Variants in PHF14 observed in about 807,000 individuals in gnomAD.
PHF14 encodes the protein PHD finger protein 14.
Under a neutral mutation model 117.9 loss-of-function variants are expected in PHF14, and 55 were observed. The ratio of observed to expected loss-of-function variants is 0.47; its 90% confidence interval spans 0.38 to 0.58. The LOEUF (loss-of-function observed/expected upper bound fraction) is 0.58, where lower values mean the gene tolerates loss of function less well. PHF14 is among the 20% of genes least tolerant of loss of function. PHF14 has a pLI of 0.00. For missense variants in PHF14, 978 were observed against 1,122.2 expected (o/e 0.87, Z 1.84); for synonymous variants, 409 against 368.6 (o/e 1.11, Z -1.26).
At chr7:11,111,552 A>G (rs1787447621) in intron 17 of PHF14, 85 bp downstream of exon 17, 1 of 658,154 alleles carries the variant, frequency 1.5e-6, no homozygotes, top group Non-Finnish European at 2.7e-6. Flanking sequence ...TTCTTTAAAG[A>G]TAATTGGAAT....
At chr7:10,976,694 T>C (rs1179827041) in intron 2 of PHF14, among the ~76,000 whole-genome samples, 1 of 152,000 alleles carries the variant, frequency 6.6e-6, no homozygotes, top group Non-Finnish European at 1.5e-5. Flanking sequence ...TAGAGATTTC[T>C]GACCTTGTTA....
chr7:10,990,915 G>T, intron 4 of PHF14, 68 bp downstream of exon 4: 1 of 1,108,104 alleles, frequency 9.0e-7, no homozygotes, highest in Non-Finnish European at 1.3e-6. Context: ...TTGTACTAAG[G>T]TGGTTCTACA....
chr7:11,019,571 A>G (rs989647418), intron 5 of PHF14, among the ~76,000 whole-genome samples: 4 of 152,122 alleles, frequency 2.6e-5, no homozygotes, highest in Non-Finnish European at 5.9e-5. Context: ...GAATTTCTGC[A>G]ATATCAGTTA....
chr7:11,100,073 A>G (rs1298876463), intron 16 of PHF14, among the ~76,000 whole-genome samples: 1 of 151,990 alleles, frequency 6.6e-6, no homozygotes, highest in African/African-American at 2.4e-5. Flanking sequence ...AGCCAACTAT[A>G]TTGTTTTTGA....
At chr7:11,124,634 G>A (rs1787866047) in intron 17 of PHF14, among the ~76,000 whole-genome samples, 3 of 151,988 alleles carry the variant, frequency 2.0e-5, no homozygotes, top group African/African-American at 7.2e-5. Flanking sequence ...AGAAAGAAAT[G>A]AGATTCAGAG....
intron 5 of PHF14, among the ~76,000 whole-genome samples, chr7:11,019,270 C>T (rs2128317728): frequency 6.6e-6 from 1 of 152,134 alleles, no homozygotes; most frequent in South Asian, 2.1e-4. Flanking sequence ...GGAAATATTC[C>T]CTCTTCCTCT....
At chr7:11,009,456 C>T (rs148325276) in intron 4 of PHF14, among the ~76,000 whole-genome samples, 13 of 152,176 alleles carry the variant, frequency 8.5e-5, no homozygotes, top group Non-Finnish European at 1.3e-4. Context: ...AACATGTCTT[C>T]TGTGTTACCC....
At chr7:11,081,944 A>T (rs1202931618) in intron 16 of PHF14, among the ~76,000 whole-genome samples, 1 of 151,902 alleles carries the variant, frequency 6.6e-6, no homozygotes, top group Non-Finnish European at 1.5e-5. Flanking sequence ...TAGGTTTTTG[A>T]TAGTGAAAGT....
chr7:11,076,742 A>G (rs1422238892), intron 16 of PHF14, among the ~76,000 whole-genome samples: 2 of 151,266 alleles, frequency 1.3e-5, no homozygotes, highest in Non-Finnish European at 2.9e-5. Flanking sequence ...TAATTTTTGT[A>G]TTTTTGGTAG....
chr7:11,113,677 T>A (rs973280423), intron 17 of PHF14, among the ~76,000 whole-genome samples: 2 of 152,148 alleles, frequency 1.3e-5, no homozygotes, highest in Non-Finnish European at 2.9e-5. Context: ...ACTTAATTGA[T>A]TCCCTTGAAT....
intron 17 of PHF14, among the ~76,000 whole-genome samples, chr7:11,162,135 C>T (rs1789062317): frequency 8.7e-6 from 1 of 115,488 alleles, no homozygotes. Context: ...GTCTCCCAGG[C>T]TGGAGTGCAG....
chr7:11,043,285 ATTTT>A (rs545466049), intron 13 of PHF14, among the ~76,000 whole-genome samples: 6 of 147,848 alleles, frequency 4.1e-5, no homozygotes, highest in Non-Finnish European at 9.0e-5. Flanking sequence ...AACATTTCTG[ATTTT>A]TTTTTTTATT....
intron 4 of PHF14, chr7:11,006,753 ATCT>A (rs1330325250): frequency 8.5e-6 from 6 of 704,042 alleles, no homozygotes; most frequent in African/African-American, 5.3e-5. Flanking sequence ...TGACATGCGG[ATCT>A]TCTTTTTTGG....
chr7:11,106,403 A>T (rs1231176674), intron 16 of PHF14: 36 of 965,548 alleles, frequency 3.7e-5, no homozygotes, highest in Non-Finnish European at 4.3e-5. Flanking sequence ...AATGATTAAA[A>T]ACCATTTTCT....
intron 17 of PHF14, among the ~76,000 whole-genome samples, chr7:11,151,744 T>G (rs2128354206): frequency 6.6e-6 from 1 of 152,274 alleles, no homozygotes; most frequent in East Asian, 1.9e-4. Context: ...CTTGTGATTC[T>G]TCTTCTTACA....
intron 17 of PHF14, among the ~76,000 whole-genome samples, chr7:11,152,970 G>C (rs1230406754): frequency 1.3e-5 from 2 of 152,206 alleles, no homozygotes; most frequent in Non-Finnish European, 2.9e-5. Flanking sequence ...AGAACTCAGT[G>C]AGGCCGGAAA....
chr7:11,025,440 C>T (rs1783873501), intron 6 of PHF14, among the ~76,000 whole-genome samples: 1 of 152,142 alleles, frequency 6.6e-6, no homozygotes, highest in South Asian at 2.1e-4. Context: ...TCACGTGCCA[C>T]AGAGAAATCT....
rs10257578 is a variant in PHF14 at position 11,042,168 on chromosome 7, G to A, written c.2181-515G>A. Among the ~76,000 whole-genome samples the A allele has an allele frequency of 5.6e-3, 858 of 151,972 alleles. 13 individuals are homozygous for A. The highest frequency in any genetic ancestry group is 0.02 in the African/African-American group (846 of 41,516). On this transcript the variant is annotated intron_variant, in intron 12 of 17. Coordinates refer to ENST00000634607, the MANE Select transcript of PHF14 (RefSeq NM_001007157.2). ...GTATATTTTTAAAACGCAAAATTCA[G>A]TATTGAAAAGAGACTCATGTATACT...
At chr7:10,995,551 C>T (rs796941322) in intron 4 of PHF14, among the ~76,000 whole-genome samples, 19 of 152,274 alleles carry the variant, frequency 1.2e-4, no homozygotes, top group East Asian at 7.7e-4. Flanking sequence ...GCCGTGTGCC[C>T]GCATTCCTCA....
Sources: allele counts gnomAD v4.1 joint callset (sites outside exome capture counted in the v4.1 genomes callset), GRCh38; gene constraint gnomAD v4.1.1; transcripts MANE v1.5; gene names NCBI Gene and HGNC (gene_info 2026-07-23, HGNC 2026-07-21).